Variants in NEDD4 observed in about 807,000 individuals in gnomAD.
The protein encoded by NEDD4 is NEDD4 E3 ubiquitin protein ligase.
NEDD4 carries 99 observed loss-of-function variants against 144.9 expected under a neutral mutation model. That is an observed-to-expected ratio of 0.68 (90% CI 0.58 to 0.81). NEDD4 has a LOEUF of 0.81. Among genes scored for constraint, NEDD4 ranks in the 30% least tolerant of loss-of-function variants. The pLI is 0.00. For missense variants in NEDD4, 985 were observed against 1,065.9 expected (o/e 0.92, Z 1.06); for synonymous variants, 318 against 350.6 (o/e 0.91, Z 1.04).
At chr15:55,897,216 G>A (rs994071845) in intron 5 of NEDD4, among the ~76,000 whole-genome samples, 43 of 152,072 alleles carry the variant, frequency 2.8e-4, no homozygotes, top group Non-Finnish European at 5.3e-4. Context: ...CTCGTGATCC[G>A]CCCGCCTCGG....
chr15:55,927,077 CAAAAAAAAAAAAAAAAA>C (rs57940091), intron 4 of NEDD4, among the ~76,000 whole-genome samples: 2 of 70,670 alleles, frequency 2.8e-5, no homozygotes, highest in African/African-American at 5.2e-5. Flanking sequence ...GACTACGTCT[CAAAAAAAAAAAAAAAAA>C]AAAAAGAAAG....
chr15:55,964,541 C>T (rs1170564853), intron 2 of NEDD4, among the ~76,000 whole-genome samples: 1 of 151,798 alleles, frequency 6.6e-6, no homozygotes, highest in Non-Finnish European at 1.5e-5. Context: ...TTTCTTTTCT[C>T]TACTAAAAAT....
In NEDD4 at chr15:55,848,831, G is replaced by A. The variant is rs763634833; in HGVS notation, c.1403C>T (p.Thr468Ile). The A allele has an allele frequency of 6.2e-7, 1 of 1,613,658 alleles. No homozygotes were observed. Among genetic ancestry groups the A allele is most frequent in the South Asian group, 1.1e-5 (1 of 91,076 alleles). Residue 468 changes from threonine to isoleucine, a missense_variant, in exon 15 of 29, where the codon ACT becomes ATT. Transcript: ENST00000435532. ...AGGTAAAGGCCCTAGATCATTGGAA[G>A]TATCAAGTGATGTCTTTCCTCTCAG... Reference protein sequence around the residue: ...AHLRGKTSLDTSNDLGPLPPG... With the variant: ...AHLRGKTSLDISNDLGPLPPG...
At chr15:55,992,202 T>C (rs1451857540) in intron 1 of NEDD4, among the ~76,000 whole-genome samples, 1 of 152,224 alleles carries the variant, frequency 6.6e-6, no homozygotes, top group Non-Finnish European at 1.5e-5. Flanking sequence ...ATGATATCTT[T>C]AGCTGTAACA....
Position 55,971,648 on chromosome 15 carries a change from G to C in NEDD4, c.46-5102C>G, listed in dbSNP as rs114088528. On this transcript the variant is annotated intron_variant, in intron 1 of 28. Coordinates refer to ENST00000435532, the MANE Select transcript of NEDD4 (RefSeq NM_006154.4). ...TCAAAAAAAAAAAAAAGACTTATTA[G>C]CTTTAAAGAGGAGGTAGCAAGAGAG... Among the ~76,000 whole-genome samples, 848 of 147,732 alleles carry C rather than the reference G, an allele frequency of 5.7e-3. 9 individuals carry two copies. The highest frequency in any genetic ancestry group is 0.02 in the African/African-American group (792 of 39,766).
At chr15:55,900,813 T>C (rs1395852552) in intron 5 of NEDD4, among the ~76,000 whole-genome samples, 1 of 152,166 alleles carries the variant, frequency 6.6e-6, no homozygotes, top group Non-Finnish European at 1.5e-5. Flanking sequence ...AATATGAAGA[T>C]AAATTGGCAC....
chr15:55,828,523 C>T lies in NEDD4; in HGVS notation c.*1374G>A, dbSNP rs2899593. The T allele has an allele frequency of 0.068, 10,327 of 152,272 alleles. 441 individuals are homozygous for T. The highest frequency in any genetic ancestry group is 0.1 in the Non-Finnish European group (6,772 of 68,010). 9.4% of individuals were successfully genotyped at this position (152,272 alleles called of 1,614,324 possible). On this transcript the variant is annotated 3_prime_UTR_variant, in exon 29 of 29. Coordinates refer to ENST00000435532, the MANE Select transcript of NEDD4 (RefSeq NM_006154.4). Reference sequence around the variant, plus strand: ...TTTCCCTTTTGCCTTATTCTGCTTACGCCTACTTTTGATTGTTTTACAAAT... The same window carrying T: ...TTTCCCTTTTGCCTTATTCTGCTTATGCCTACTTTTGATTGTTTTACAAAT...
At chr15:55,858,582 C>T (rs1863757) in intron 11 of NEDD4, among the ~76,000 whole-genome samples, 109,529 of 152,072 alleles carry the variant, frequency 0.72, 39,976 homozygotes, top group Non-Finnish European at 0.8. Flanking sequence ...GCTGGGATTA[C>T]AGGCGTGAGC....
At chr15:55,961,273 T>C (rs2037422432) in intron 2 of NEDD4, among the ~76,000 whole-genome samples, 1 of 152,018 alleles carries the variant, frequency 6.6e-6, no homozygotes, top group Admixed American at 6.6e-5. Flanking sequence ...GGCTAGAGTT[T>C]ACAGCCACTC....
rs1325598228 is a variant in NEDD4, at chr15:55,829,429, A to G, written c.*468T>C. ...AATATATTGTAGTTTACTCAATAGTAAAGTATTTCTTTTTCCAAATTTCAG... is the reference window on the plus strand; with the variant it reads ...AATATATTGTAGTTTACTCAATAGTGAAGTATTTCTTTTTCCAAATTTCAG... On this transcript the variant is annotated 3_prime_UTR_variant, in exon 29 of 29. Transcript: ENST00000435532. The G allele has an allele frequency of 6.5e-6, 1 of 154,954 alleles. No individual in the cohort carries two copies. Among genetic ancestry groups the G allele is most frequent in the African/African-American group, 2.4e-5 (1 of 41,476 alleles). 9.6% of individuals were successfully genotyped at this position (154,954 alleles called of 1,614,324 possible).
intron 1 of NEDD4, among the ~76,000 whole-genome samples, chr15:55,983,916 T>G (rs1417319606): frequency 2.0e-5 from 3 of 152,156 alleles, no homozygotes; most frequent in African/African-American, 7.2e-5. Flanking sequence ...CAGCCTGTTA[T>G]AAATACTTTC....
Position 55,960,519 on chromosome 15 carries a change from G to T in NEDD4, c.119+5954C>A, listed in dbSNP as rs537448474. Among the ~76,000 whole-genome samples, 6 of 152,322 alleles carry T rather than the reference G, an allele frequency of 3.9e-5. No individual in the cohort carries two copies. The South Asian group carries it at 1.2e-3, about 32-fold the overall frequency. ...AGGGGCTCTTGTACCTTCAGCCACA[G>T]ACTGAAGGCTGCATTGTTGGCTTTC... On this transcript the variant is annotated intron_variant, in intron 2 of 28. Transcript: ENST00000435532.
chr15:55,945,568 C>A (rs2037095557), intron 4 of NEDD4, among the ~76,000 whole-genome samples: 4 of 152,048 alleles, frequency 2.6e-5, no homozygotes, highest in African/African-American at 9.7e-5. Flanking sequence ...AGAATGGAAC[C>A]AAGGTGGAAA....
rs183242321 is a variant in NEDD4 at position 55,926,627 on chromosome 15, A to G, written c.238-1928T>C. On this transcript the variant is annotated intron_variant, in intron 4 of 28. Coordinates refer to ENST00000435532, the MANE Select transcript of NEDD4 (RefSeq NM_006154.4). The stretch of plus-strand genomic sequence containing the variant: ...CAAAAATAACAAAAATTAGCTGGGC[A>G]TCATGGCACATGCCTATAGTCCCAG... 6.3e-3 allele frequency among the ~76,000 whole-genome samples: 894 copies of G among 141,014 alleles called. 5 individuals carry two copies. Among genetic ancestry groups the G allele is most frequent in the African/African-American group, 0.022 (852 of 38,296 alleles). 92.5% of individuals were successfully genotyped at this position (141,014 alleles called of 152,430 possible).
intron 5 of NEDD4, among the ~76,000 whole-genome samples, chr15:55,879,667 C>T (rs2035114727): frequency 1.3e-5 from 2 of 151,850 alleles, no homozygotes; most frequent in South Asian, 4.2e-4. Context: ...CGTAATATTC[C>T]CAGAGATAAG....
intron 4 of NEDD4, chr15:55,934,680 ATC>A: frequency 6.6e-6 from 1 of 151,986 alleles, no homozygotes; most frequent in South Asian, 2.1e-4. Context: ...TAAATTATAA[ATC>A]TCTGTCTTAC....
At chr15:55,849,411 G>A (rs2033888225) in intron 14 of NEDD4, among the ~76,000 whole-genome samples, 1 of 152,020 alleles carries the variant, frequency 6.6e-6, no homozygotes, top group Admixed American at 6.6e-5. Flanking sequence ...ATTTAATAGA[G>A]ACGGGGTTTC....
At chr15:55,942,435 C>G (rs1430463671) in intron 4 of NEDD4, among the ~76,000 whole-genome samples, 1 of 152,172 alleles carries the variant, frequency 6.6e-6, no homozygotes, top group Non-Finnish European at 1.5e-5. Flanking sequence ...ATCACGGAGG[C>G]AGACTTCCCC....
At chr15:55,877,916 A>G (rs1419553243) in intron 5 of NEDD4, among the ~76,000 whole-genome samples, 3 of 152,048 alleles carry the variant, frequency 2.0e-5, no homozygotes, top group Non-Finnish European at 2.9e-5. Flanking sequence ...TGCATTTCTG[A>G]TATCTTCTCA....
Sources: allele counts gnomAD v4.1 joint callset (sites outside exome capture counted in the v4.1 genomes callset), GRCh38; gene constraint gnomAD v4.1.1; transcripts MANE v1.5; gene names NCBI Gene and HGNC (gene_info 2026-07-23, HGNC 2026-07-21).